MGAT4C: variants seen among roughly 807,000 people sequenced by gnomAD.
MGAT4C encodes alpha-1,3-mannosyl-glycoprotein 4-beta-N-acetylglucosaminyltransferase C.
In MGAT4C, 19 loss-of-function variants were observed where a neutral mutation model predicts 40.1. The ratio of observed to expected loss-of-function variants is 0.47; its 90% CI spans 0.33 to 0.70. The LOEUF is 0.70. Ranked by LOEUF, MGAT4C falls within the 30% of genes least tolerant of loss-of-function variation. The pLI, the probability that MGAT4C is intolerant of heterozygous loss-of-function variation, is 0.02. For synonymous variants in MGAT4C, 181 were observed against 187.1 expected (o/e 0.97, Z 0.27); for missense variants, 491 against 563.2 (o/e 0.87, Z 1.30).
intron 3 of MGAT4C, among the ~76,000 whole-genome samples, chr12:86,431,023 G>A (rs1479047499): frequency 6.6e-6 from 1 of 152,174 alleles, no homozygotes; most frequent in Non-Finnish European, 1.5e-5. Flanking sequence ...AGCTGGTCTA[G>A]CCCCTTCATT....
intron 2 of MGAT4C, among the ~76,000 whole-genome samples, chr12:86,681,945 T>C (rs1949990813): frequency 6.6e-6 from 1 of 152,044 alleles, no homozygotes; most frequent in Admixed American, 6.6e-5. Context: ...GGTATTCCAA[T>C]TCACCTTCTC....
chr12:86,473,633 G>A (rs1396919148), intron 2 of MGAT4C, among the ~76,000 whole-genome samples: 1 of 152,112 alleles, frequency 6.6e-6, no homozygotes, highest in Non-Finnish European at 1.5e-5. Context: ...TTAGGAGGAT[G>A]AATTCAAATA....
Position 86,737,757 on chromosome 12 carries a change from T to TAA in MGAT4C, c.-261-10518_-261-10517dup, listed in dbSNP as rs147721324. ...AATTCTTTCCTTCCAGTTTCCCAGT[T>TAA]AAAAAAAAAACAGACTTCCTTTAGT... On this transcript the variant is annotated intron_variant, in intron 1 of 7. Transcript: ENST00000548651. Among the ~76,000 whole-genome samples the TAA allele has an allele frequency of 6.7e-3, 982 of 147,552 alleles. 10 individuals carry two copies. The highest frequency in any genetic ancestry group is 0.023 in the African/African-American group (939 of 40,444).
chr12:86,570,046 G>T (rs189753948), intron 2 of MGAT4C, among the ~76,000 whole-genome samples: 1 of 152,152 alleles, frequency 6.6e-6, no homozygotes, highest in East Asian at 1.9e-4. Context: ...GAAGTTGAGG[G>T]TGCAAGCAAA....
chr12:86,234,772 C>T (rs1358238625), intron 1 of MGAT4C, among the ~76,000 whole-genome samples: 2 of 152,082 alleles, frequency 1.3e-5, no homozygotes, highest in Non-Finnish European at 2.9e-5. Context: ...TCTCACACTA[C>T]CCCACTGCAA....
At chr12:86,668,110 G>C (rs1235764566) in intron 2 of MGAT4C, among the ~76,000 whole-genome samples, 1 of 152,162 alleles carries the variant, frequency 6.6e-6, no homozygotes, top group African/African-American at 2.4e-5. Context: ...TTTGTATCAT[G>C]ATCCAAGTAC....
intron 1 of MGAT4C, among the ~76,000 whole-genome samples, chr12:86,084,276 A>G (rs1301557052): frequency 6.6e-6 from 1 of 152,044 alleles, no homozygotes; most frequent in Non-Finnish European, 1.5e-5. Context: ...CAAGGCATTT[A>G]TTTTTGAGGA....
At chr12:86,712,147 A>G (rs574803210) in intron 2 of MGAT4C, among the ~76,000 whole-genome samples, 123 of 152,184 alleles carry the variant, frequency 8.1e-4, no homozygotes, top group Non-Finnish European at 1.2e-3. Context: ...TTGTAATAAA[A>G]GATACGTTTG....
intron 1 of MGAT4C, among the ~76,000 whole-genome samples, chr12:86,748,502 G>A (rs140671789): frequency 3.3e-5 from 5 of 151,776 alleles, no homozygotes; most frequent in African/African-American, 7.2e-5. Context: ...TAGGAAATAC[G>A]TGATAAAAAT....
At chr12:86,781,637 A>C (rs1951842502) in intron 1 of MGAT4C, among the ~76,000 whole-genome samples, 1 of 148,608 alleles carries the variant, frequency 6.7e-6, no homozygotes, top group Non-Finnish European at 1.5e-5. Context: ...CGGTGGCCAG[A>C]AAAAAAAAAT....
intron 3 of MGAT4C, among the ~76,000 whole-genome samples, chr12:86,428,419 C>T (rs1158008880): frequency 6.6e-6 from 1 of 152,192 alleles, no homozygotes; most frequent in Non-Finnish European, 1.5e-5. Flanking sequence ...GCTGACACTA[C>T]AGGCATGTGC....
chr12:86,462,847 T>C (rs1004354194), intron 2 of MGAT4C, among the ~76,000 whole-genome samples: 8 of 152,166 alleles, frequency 5.3e-5, no homozygotes, highest in Admixed American at 5.2e-4. Flanking sequence ...CCAGCTGCGC[T>C]GGAAGCTGAT....
chr12:86,286,237 C>T (rs990659522), intron 4 of MGAT4C, among the ~76,000 whole-genome samples: 1 of 152,018 alleles, frequency 6.6e-6, no homozygotes, highest in Non-Finnish European at 1.5e-5. Context: ...GCTAGCCTAG[C>T]ATGACTTTGG....
intron 2 of MGAT4C, among the ~76,000 whole-genome samples, chr12:86,710,081 T>C (rs574658162): frequency 3.9e-5 from 6 of 152,256 alleles, no homozygotes; most frequent in African/African-American, 1.2e-4. Context: ...TCTATCCCCA[T>C]AAAAATCTGA....
chr12:86,300,469 A>G (rs2136138691), intron 4 of MGAT4C, among the ~76,000 whole-genome samples: 1 of 152,288 alleles, frequency 6.6e-6, no homozygotes. Flanking sequence ...CTGTCTAGGT[A>G]TATATAGAGT....
intron 1 of MGAT4C, among the ~76,000 whole-genome samples, chr12:86,832,930 GA>G (rs1259175356): frequency 2.6e-5 from 4 of 151,514 alleles, no homozygotes; most frequent in African/African-American, 4.8e-5. Flanking sequence ...AAAATGTTAT[GA>G]TTTTTTTTCA....
At chr12:86,400,501 C>T (rs1189911279) in intron 3 of MGAT4C, among the ~76,000 whole-genome samples, 1 of 152,068 alleles carries the variant, frequency 6.6e-6, no homozygotes, top group Non-Finnish European at 1.5e-5. Flanking sequence ...GGTTGGAATG[C>T]AGATTAGATG....
intron 2 of MGAT4C, among the ~76,000 whole-genome samples, chr12:86,472,096 T>C (rs1001829885): frequency 6.6e-6 from 1 of 152,146 alleles, no homozygotes; most frequent in African/African-American, 2.4e-5. Context: ...GTTAAGTTAA[T>C]GCTCTAATTT....
intron 2 of MGAT4C, among the ~76,000 whole-genome samples, chr12:86,671,402 G>A (rs1164450159): frequency 1.3e-5 from 2 of 152,152 alleles, no homozygotes; most frequent in East Asian, 1.9e-4. Flanking sequence ...GGAACCCCAT[G>A]AAGTTTATAA....
Sources: allele counts gnomAD v4.1 joint callset (sites outside exome capture counted in the v4.1 genomes callset), GRCh38; gene constraint gnomAD v4.1.1; transcripts MANE v1.5; gene names NCBI Gene and HGNC (gene_info 2026-07-23, HGNC 2026-07-21).